The following THAP6 variants were observed in gnomAD, a reference collection of about 807,000 sequenced individuals.
The protein encoded by THAP6 is THAP domain containing 6, also known as THAP domain-containing protein 6.
Under a neutral mutation model 20.0 loss-of-function variants are expected in THAP6, and 13 were observed. That is an observed-to-expected ratio of 0.65 (90% confidence interval 0.42 to 1.03). The LOEUF is 1.03. Among genes scored for constraint, THAP6 ranks in the 50% least tolerant of loss-of-function variants. The pLI, the probability that THAP6 is intolerant of heterozygous loss-of-function variation, is 0.00. For synonymous variants in THAP6, 93 were observed against 92.2 expected (o/e 1.01, Z -0.05); for missense variants, 262 against 261.6 (o/e 1.00, Z -0.01).
At chr4:75,542,344 A>C in intron 2 of THAP6, 1 of 678,636 alleles carries the variant, frequency 1.5e-6, no homozygotes, top group South Asian at 1.6e-5. Flanking sequence ...GAAGTATTGC[A>C]TGCTCTAATA....
In THAP6 at chr4:75,528,218, T is replaced by C; in HGVS notation, c.*1004T>C. On this transcript the variant is annotated 3_prime_UTR_variant, in exon 5 of 5. Coordinates refer to ENST00000311638, the MANE Select transcript of THAP6 (RefSeq NM_144721.6). ...AAAGGCTTTTATTTAGAGAAACGGG[T>C]AATTAAAACAGCAGCTTTAGAATAG... is the stretch of plus-strand genomic sequence containing the variant. 2 of 985,404 alleles carry C rather than the reference T, an allele frequency of 2.0e-6. No homozygotes were observed. Among genetic ancestry groups the C allele is most frequent in the East Asian group, 2.3e-4 (2 of 8,818 alleles). The allele number at this position is 985,404 out of a possible 1,614,324, so 61.0% of individuals were successfully genotyped here. A position where few individuals can be genotyped will look rare whatever the true frequency, so the allele number is the denominator to read the frequency against.
chr4:75,527,183 A>G lies in THAP6; in HGVS notation c.638A>G (p.Gln213Arg), dbSNP rs1208385138. The change falls in exon 5 of 5, where the codon CAG becomes CGG. Residue 213 changes from glutamine (Q) to arginine (R), a missense_variant. Physicochemically the swap from Gln to Arg is conservative, Grantham distance 43. Transcript: ENST00000311638. The stretch of plus-strand genomic sequence containing the variant: ...GACACTTTCTGTTGGGACTGTTGTC[A>G]GGAGAGCATAGAACAGGACTATATT... ...RLDTFCWDCC[Q>R]ESIEQDYIS 6.2e-7 allele frequency: 1 copy of G among 1,614,100 alleles called. No homozygotes were observed. Among genetic ancestry groups the G allele is most frequent in the South Asian group, 1.1e-5 (1 of 91,072 alleles).
At chr4:75,535,868 A>G (rs1033891743) in intron 2 of THAP6, among the ~76,000 whole-genome samples, 7 of 152,138 alleles carry the variant, frequency 4.6e-5, no homozygotes, top group African/African-American at 1.4e-4. Context: ...CTTTCTGTAC[A>G]TTGCAATCTA....
chr4:75,539,437 C>T (rs1726948118), intron 2 of THAP6, among the ~76,000 whole-genome samples: 1 of 152,158 alleles, frequency 6.6e-6, no homozygotes, highest in Admixed American at 6.5e-5. Context: ...CATACAAGTA[C>T]ATAACACAAA....
rs10643016 is a variant in THAP6 at position 75,528,756 on chromosome 4, T to TAA, written c.*1553_*1554dup. On this transcript the variant is annotated 3_prime_UTR_variant, in exon 5 of 5. Transcript: ENST00000311638. ...GAAAAAAAAGTAGTAAAAAGGTAGT[T>TAA]AAAAAAAAAAAAGGCCGGGTGGTGG... The TAA allele has an allele frequency of 0.2, 176,944 of 890,894 alleles. 6,748 individuals are homozygous for TAA. The highest frequency in any genetic ancestry group is 0.34 in the African/African-American group (18,614 of 54,026). 55.2% of individuals were successfully genotyped at this position (890,894 alleles called of 1,614,324 possible). A position where few individuals can be genotyped will look rare whatever the true frequency, so the allele number is the denominator to read the frequency against.
chr4:75,519,339 T>TA (rs397994033), intron 3 of THAP6, among the ~76,000 whole-genome samples: 1 of 151,530 alleles, frequency 6.6e-6, no homozygotes, highest in East Asian at 1.9e-4. Context: ...TTTTTTTTTT[T>TA]AATTATGCTT....
chr4:75,521,243 T>C (rs1222170472), intron 3 of THAP6, among the ~76,000 whole-genome samples: 2 of 151,970 alleles, frequency 1.3e-5, no homozygotes, highest in African/African-American at 4.8e-5. Context: ...TTTATATTTT[T>C]TCTACCTCCT....
At chr4:75,536,877 A>G (rs7681108) in intron 2 of THAP6, among the ~76,000 whole-genome samples, 63,728 of 152,042 alleles carry the variant, frequency 0.42, 13,610 homozygotes, top group Middle Eastern at 0.53. Flanking sequence ...AAGGATAGAA[A>G]AAGATATCCC....
intron 2 of THAP6, among the ~76,000 whole-genome samples, chr4:75,542,025 C>T (rs1212638774): frequency 6.6e-6 from 1 of 152,140 alleles, no homozygotes; most frequent in Non-Finnish European, 1.5e-5. Flanking sequence ...TTATCATTAC[C>T]TTCATCATCC....
intron 2 of THAP6, among the ~76,000 whole-genome samples, chr4:75,539,619 A>G (rs1409866613): frequency 6.6e-6 from 1 of 152,232 alleles, no homozygotes; most frequent in East Asian, 1.9e-4. Context: ...ATGTGAGAGT[A>G]GGAGACCAAA....
At chr4:75,534,002 C>T (rs1204660246), downstream of THAP6, among the ~76,000 whole-genome samples, 1 of 150,892 alleles carries the variant, frequency 6.6e-6, no homozygotes, top group East Asian at 1.9e-4. Flanking sequence ...TGAGTGAGAA[C>T]ATGCAGTGTT....
At position 75,528,717 on chromosome 4, in the gene THAP6, T is replaced by C; in HGVS notation, c.*1503T>C. On this transcript the variant is annotated 3_prime_UTR_variant, in exon 5 of 5. Coordinates refer to ENST00000311638, the MANE Select transcript of THAP6 (RefSeq NM_144721.6). ...CTAAGAGGAAATCACTGAGGCCATA[T>C]CTTTTTACAATCTGAAAAAAAAGTA... 1.0e-6 allele frequency: 1 copy of C among 983,698 alleles called. No individual in the cohort carries two copies. The highest frequency in any genetic ancestry group is 1.2e-6 in the Non-Finnish European group (1 of 829,320). 60.9% of individuals were successfully genotyped at this position (983,698 alleles called of 1,614,324 possible). A position where few individuals can be genotyped will look rare whatever the true frequency, so the allele number is the denominator to read the frequency against.
At chr4:75,520,465 A>T (rs892743962) in intron 3 of THAP6, among the ~76,000 whole-genome samples, 7 of 152,178 alleles carry the variant, frequency 4.6e-5, no homozygotes, top group African/African-American at 1.7e-4. Flanking sequence ...TTGGTTCCAT[A>T]TCCTTGATAG....
At chr4:75,545,214 T>C (rs1211162261) in intron 3 of THAP6, among the ~76,000 whole-genome samples, 2 of 152,188 alleles carry the variant, frequency 1.3e-5, no homozygotes, top group Non-Finnish European at 2.9e-5. Context: ...AGCTAAACAA[T>C]GGCAGGGCAG....
At chr4:75,516,164 A>G (rs1008577948) in intron 2 of THAP6, among the ~76,000 whole-genome samples, 8 of 152,230 alleles carry the variant, frequency 5.3e-5, no homozygotes, top group Non-Finnish European at 5.9e-5. Context: ...ATCAAAACTG[A>G]GCATATATAT....
intron 2 of THAP6, chr4:75,540,069 A>C: frequency 7.9e-7 from 1 of 1,268,012 alleles, no homozygotes; most frequent in Non-Finnish European, 1.1e-6. Context: ...CCTCCTCTTC[A>C]TCCTCTCACT....
chr4:75,544,090 C>T (rs1257380621), intron 3 of THAP6, among the ~76,000 whole-genome samples: 2 of 152,046 alleles, frequency 1.3e-5, no homozygotes, highest in African/African-American at 4.8e-5. Context: ...ATTTTTTGAA[C>T]ACTTTTTATA....
At chr4:75,526,602 G>A (rs1166085204) in intron 4 of THAP6, among the ~76,000 whole-genome samples, 1 of 152,098 alleles carries the variant, frequency 6.6e-6, no homozygotes, top group Non-Finnish European at 1.5e-5. Context: ...AAGTAACCCA[G>A]TTAAAAACTT....
chr4:75,534,431 A>C (rs552123802), downstream of THAP6, among the ~76,000 whole-genome samples: 2 of 152,370 alleles, frequency 1.3e-5, no homozygotes, highest in South Asian at 4.1e-4. Context: ...TTAAAGACTT[A>C]AATATTAGAC....
Sources: gnomAD v4.1 joint callset for allele counts (sites outside exome capture counted in the v4.1 genomes callset) on GRCh38, gnomAD v4.1.1 for gene constraint, MANE v1.5 for transcripts, NCBI Gene and HGNC (gene_info 2026-07-23, HGNC 2026-07-21) for gene names.